The following ROBO2 variants were observed in gnomAD, a reference collection of about 807,000 sequenced individuals.
ROBO2 encodes roundabout guidance receptor 2, also known as roundabout homolog 2.
A neutral mutation model predicts 160.8 loss-of-function variants in ROBO2; 53 were observed. The ratio of observed to expected loss-of-function variants is 0.33; its 90% CI spans 0.26 to 0.41. The LOEUF is 0.41. Ranked by LOEUF, ROBO2 falls within the 10% of genes least tolerant of loss-of-function variation. The pLI, the probability that ROBO2 is intolerant of heterozygous loss-of-function variation, is 1.00. For missense variants in ROBO2, 1,577 were observed against 1,722.4 expected (o/e 0.92, Z 1.49); for synonymous variants, 664 against 611.7 (o/e 1.09, Z -1.26).
chr3:77,485,504 ATT>A (rs2085245062), intron 4 of ROBO2, among the ~76,000 whole-genome samples: 1 of 151,894 alleles, frequency 6.6e-6, no homozygotes, highest in Admixed American at 6.6e-5. Flanking sequence ...GGTTCAATAC[ATT>A]ACCTTAGTTT....
chr3:76,324,272 T>C (rs2072826864), intron 2 of ROBO2, among the ~76,000 whole-genome samples: 1 of 152,190 alleles, frequency 6.6e-6, no homozygotes, highest in East Asian at 1.9e-4. Flanking sequence ...CCACAAGGGA[T>C]GAATCAAATG....
chr3:75,993,708 A>C (rs2065638396), intron 2 of ROBO2, among the ~76,000 whole-genome samples: 1 of 152,122 alleles, frequency 6.6e-6, no homozygotes, highest in Admixed American at 6.5e-5. Flanking sequence ...TAGGCAGAGA[A>C]GGTGTGGCAA....
chr3:76,210,866 T>G (rs1703102882), intron 2 of ROBO2, among the ~76,000 whole-genome samples: 1 of 152,128 alleles, frequency 6.6e-6, no homozygotes, highest in South Asian at 2.1e-4. Context: ...CTACAATTAT[T>G]AAATCTATCA....
intron 5 of ROBO2, 133 bp from the exon 6 acceptor site, chr3:77,522,642 G>A: frequency 1.2e-6 from 1 of 858,648 alleles, no homozygotes; most frequent in South Asian, 1.6e-5. Flanking sequence ...ATTGCACTTT[G>A]TGGCTGATTT....
chr3:76,554,644 G>C (rs2083601701), intron 2 of ROBO2, among the ~76,000 whole-genome samples: 1 of 151,732 alleles, frequency 6.6e-6, no homozygotes, highest in African/African-American at 2.4e-5. Context: ...CACTTTTCTT[G>C]AGCTCCATCA....
At chr3:77,290,020 A>G (rs1225906471) in intron 2 of ROBO2, among the ~76,000 whole-genome samples, 3 of 151,716 alleles carry the variant, frequency 2.0e-5, no homozygotes, top group South Asian at 4.1e-4. Context: ...CTAAAGACAT[A>G]AAGTAAAATT....
intron 2 of ROBO2, among the ~76,000 whole-genome samples, chr3:77,421,631 G>C (rs535227204): frequency 1.3e-5 from 2 of 152,204 alleles, no homozygotes; most frequent in South Asian, 2.1e-4. Flanking sequence ...GTCATCGAAA[G>C]CATTGAACTA....
intron 2 of ROBO2, among the ~76,000 whole-genome samples, chr3:76,863,627 T>C (rs1489148494): frequency 6.6e-6 from 1 of 152,072 alleles, no homozygotes; most frequent in East Asian, 1.9e-4. Flanking sequence ...TCTTAGACTG[T>C]GAATTCCATG....
At chr3:76,621,144 TCAGGC>T (rs1243736740) in intron 2 of ROBO2, among the ~76,000 whole-genome samples, 3 of 141,082 alleles carry the variant, frequency 2.1e-5, no homozygotes, top group Admixed American at 7.0e-5. Context: ...TTTTTTTTTT[TCAGGC>T]AAGGGAATAA....
At chr3:76,916,227 A>C (rs1045989009) in intron 2 of ROBO2, among the ~76,000 whole-genome samples, 1 of 152,216 alleles carries the variant, frequency 6.6e-6, no homozygotes, top group Non-Finnish European at 1.5e-5. Flanking sequence ...GAACTACATG[A>C]ATATCTGTAC....
chr3:77,557,852 G>T (rs573666903), intron 8 of ROBO2, 92 bp from the exon 10 acceptor site: 6 of 959,068 alleles, frequency 6.3e-6, no homozygotes, highest in Non-Finnish European at 1.0e-5. Flanking sequence ...TATATATTGT[G>T]TTGGGGCTTT....
chr3:76,284,333 G>A (rs546280193), intron 2 of ROBO2, among the ~76,000 whole-genome samples: 1 of 151,886 alleles, frequency 6.6e-6, no homozygotes, highest in African/African-American at 2.4e-5. Flanking sequence ...GGAGATTCTG[G>A]TCTTTCCCTG....
chr3:76,387,630 T>A (rs1012908692), intron 2 of ROBO2, among the ~76,000 whole-genome samples: 1 of 152,094 alleles, frequency 6.6e-6, no homozygotes, highest in African/African-American at 2.4e-5. Context: ...TATAAAGAAG[T>A]TATTATAATT....
chr3:75,973,967 G>A (rs2065065934), intron 2 of ROBO2, among the ~76,000 whole-genome samples: 1 of 150,996 alleles, frequency 6.6e-6, no homozygotes, highest in Admixed American at 6.6e-5. Flanking sequence ...GGATGAGGGA[G>A]GAGAAAAACC....
intron 15 of ROBO2, among the ~76,000 whole-genome samples, chr3:77,577,875 C>G (rs1048911133): frequency 6.6e-6 from 1 of 152,026 alleles, no homozygotes; most frequent in Non-Finnish European, 1.5e-5. Flanking sequence ...TCTACAACCT[C>G]AAGGATTTAA....
At chr3:76,268,019 G>A (rs1707201417) in intron 2 of ROBO2, among the ~76,000 whole-genome samples, 1 of 152,126 alleles carries the variant, frequency 6.6e-6, no homozygotes. Context: ...TGTGGCAAGG[G>A]CCTAATACAT....
intron 2 of ROBO2, among the ~76,000 whole-genome samples, chr3:76,083,566 C>T (rs761181389): frequency 6.6e-6 from 1 of 152,012 alleles, no homozygotes; most frequent in Non-Finnish European, 1.5e-5. Flanking sequence ...AGTGTAGAAA[C>T]TTACTAAGCT....
chr3:77,040,777 T>A (rs2064001804), exon 1 of ROBO2: 5 of 1,613,960 alleles, frequency 3.1e-6, no homozygotes, highest in South Asian at 2.2e-5. Context: ...TCCTTTTTAA[T>A]ATGTCAAAAT....
chr3:77,393,594 A>G (rs1171478670), intron 2 of ROBO2, among the ~76,000 whole-genome samples: 1 of 148,794 alleles, frequency 6.7e-6, no homozygotes, highest in African/African-American at 2.4e-5. Flanking sequence ...ATAGTAATAT[A>G]TAATATATTT....
Sources: allele counts gnomAD v4.1 joint callset (sites outside exome capture counted in the v4.1 genomes callset), GRCh38; gene constraint gnomAD v4.1.1; transcripts MANE v1.5; gene names NCBI Gene and HGNC (gene_info 2026-07-23, HGNC 2026-07-21).